The following KCNT1 variants were observed in gnomAD, a reference collection of about 807,000 sequenced individuals.
KCNT1 encodes potassium sodium-activated channel subfamily T member 1.
Under a neutral mutation model 147.8 loss-of-function variants are expected in KCNT1, and 78 were observed. That is an observed-to-expected ratio of 0.53 (90% CI 0.44 to 0.64). KCNT1 has a LOEUF of 0.64. Ranked by LOEUF, KCNT1 falls within the 30% of genes least tolerant of loss-of-function variation. The probability of loss-of-function intolerance (pLI) is 0.00; values close to 1 mark genes in which losing one functional copy is unlikely to be tolerated. For synonymous variants in KCNT1, 867 were observed against 748.8 expected (o/e 1.16, Z -2.58); for missense variants, 1,419 against 1,750.3 (o/e 0.81, Z 3.38).
rs534757688 is a variant in KCNT1, at chr9:135,781,057, C to T, written c.2841+1587C>T. 1.1e-4 allele frequency among the ~76,000 whole-genome samples: 16 copies of T among 152,358 alleles called. No homozygotes were observed. The East Asian group carries it at 2.3e-3, about 22-fold the overall frequency. ...ATCGCCAATCACCCACGCTCCGCCC[C>T]GCCGTGGGGCCCATCTCTTTCCCCG... On this transcript the variant is annotated intron_variant, in intron 24 of 30. Transcript: ENST00000371757.
chr9:135,742,363 C>T lies in KCNT1; in HGVS notation c.255-7735C>T, dbSNP rs551474238. Among the ~76,000 whole-genome samples the T allele has an allele frequency of 7.2e-5, 11 of 152,328 alleles. No individual in the cohort carries two copies. The South Asian group carries it at 1.4e-3, about 20-fold the overall frequency. On this transcript the variant is annotated intron_variant, in intron 2 of 30. Transcript: ENST00000371757. ...GGCTTCGTGCTGAGCAGGGCCAGGG[C>T]GAGTGCCCAAAGCATCGTCACCTGC... is the stretch of plus-strand genomic sequence containing the variant.
intron 1 of KCNT1, chr9:135,703,205 G>A (rs910055993): frequency 2.0e-5 from 3 of 152,366 alleles, no homozygotes; most frequent in Non-Finnish European, 4.4e-5. Context: ...CCTGGGCAGA[G>A]CCGGTCACTG....
intron 24 of KCNT1, among the ~76,000 whole-genome samples, chr9:135,780,037 G>A (rs545806087): frequency 6.6e-6 from 1 of 152,368 alleles, no homozygotes; most frequent in Admixed American, 6.5e-5. Context: ...GCTGGAATTG[G>A]CTTTCTGCCC....
chr9:135,708,941 C>T (rs1835363570), intron 1 of KCNT1, among the ~76,000 whole-genome samples: 1 of 152,232 alleles, frequency 6.6e-6, no homozygotes, highest in Non-Finnish European at 1.5e-5. Context: ...TCTTTCTGAG[C>T]CCCACCCGGG....
chr9:135,772,779 G>C lies in KCNT1; in HGVS notation c.2073G>C (p.Gly691=). 2.0e-6 allele frequency: 3 copies of C among 1,489,788 alleles called. No individual in the cohort carries two copies. The highest frequency in any genetic ancestry group is 1.8e-6 in the Non-Finnish European group (2 of 1,117,612). The allele number at this position is 1,489,788 out of a possible 1,614,324, so 92.3% of individuals were successfully genotyped here. ...CTACGCAGAGCGGCGGTGGGGGCGGGGGCAGCAAGCTGGCACTGCCCACGG... is the reference window on the plus strand; with the variant it reads ...CTACGCAGAGCGGCGGTGGGGGCGGCGGCAGCAAGCTGGCACTGCCCACGG... ...HRPTQSGGGG[G]GSKLALPTEN... The change falls in exon 19 of 31, where the codon GGG becomes GGC. Residue 691 remains glycine, a synonymous_variant. Transcript: ENST00000371757.
intron 12 of KCNT1, among the ~76,000 whole-genome samples, 175 bp downstream of exon 12, chr9:135,765,370 G>T (rs547334501): frequency 1.8e-5 from 1 of 57,126 alleles, no homozygotes; most frequent in Non-Finnish European, 3.8e-5. Flanking sequence ...CCCCAGGACT[G>T]CCATCCTCTC....
chr9:135,702,458 A>ACCCGCCATTCCCAGGG, intron 1 of KCNT1, 90 bp downstream of exon 1: 1 of 1,024,554 alleles, frequency 9.8e-7, no homozygotes, highest in Non-Finnish European at 1.4e-6. Context: ...ACCCTCCAGG[A>ACCCGCCATTCCCAGGG]CCCGCCATTC....
Position 135,765,161 on chromosome 9 carries a change from T to C in KCNT1, c.1166T>C (p.Phe389Ser). The change falls in exon 12 of 31, where the codon TTC becomes TCC. Residue 389 changes from phenylalanine to serine, a missense_variant. Around this residue, in one of 5 missense-constraint regions of KCNT1, gnomAD observed 401 missense variants for 610.6 expected, o/e 0.66. Transcript: ENST00000371757. ...CTCAAGATCGACCTTCTCATGGACT[T>C]CCTGAACGAGTTCTACGCCCACCCC... ...SSLKIDLLMD[F>S]LNEFYAHPRL... 1 of 1,613,058 alleles carries C rather than the reference T, an allele frequency of 6.2e-7. No homozygotes were observed. Among genetic ancestry groups the C allele is most frequent in the Non-Finnish European group, 8.5e-7 (1 of 1,179,602 alleles).
At chr9:135,727,261 T>C (rs1444043376) in intron 2 of KCNT1, among the ~76,000 whole-genome samples, 137 of 31,990 alleles carry the variant, frequency 4.3e-3, no homozygotes, top group East Asian at 9.1e-3. Context: ...CTCTCCCTCT[T>C]TCTCCCTCTC....
chr9:135,755,761 A>C (rs903808016), intron 6 of KCNT1, among the ~76,000 whole-genome samples: 2 of 151,218 alleles, frequency 1.3e-5, no homozygotes, highest in Non-Finnish European at 2.9e-5. Flanking sequence ...ACTCAGGGTC[A>C]GTGAGCACTT....
intron 29 of KCNT1, among the ~76,000 whole-genome samples, chr9:135,788,662 C>T (rs745903027): frequency 7.2e-5 from 11 of 152,182 alleles, no homozygotes; most frequent in Non-Finnish European, 1.3e-4. Context: ...GTGGGGACTC[C>T]AAGCCACGAG....
intron 2 of KCNT1, among the ~76,000 whole-genome samples, chr9:135,735,387 G>A (rs1418766004): frequency 1.3e-5 from 2 of 152,204 alleles, no homozygotes; most frequent in Non-Finnish European, 2.9e-5. Context: ...CCCTCCCTCA[G>A]CATGGGTGCT....
rs138931064 is a variant in KCNT1, at chr9:135,759,748, C to T, written c.924C>T (p.Cys308=). ...CCCTCCTGACCTCCTTCTACTTCTG[C>T]ATCGTCACCTTCTCCACCGTGGGCT... is the stretch of plus-strand genomic sequence containing the variant. ...NLSLLTSFYF[C]IVTFSTVGYG... The change falls in exon 11 of 31, where the codon TGC becomes TGT. Residue 308 remains cysteine, a synonymous_variant. Coordinates refer to ENST00000371757, the MANE Select transcript of KCNT1 (RefSeq NM_020822.3). 2 of 1,613,496 alleles carry T rather than the reference C, an allele frequency of 1.2e-6. No homozygotes were observed. The highest frequency in any genetic ancestry group is 1.3e-5 in the African/African-American group (1 of 74,938).
intron 1 of KCNT1, among the ~76,000 whole-genome samples, chr9:135,705,101 T>C (rs181436928): frequency 1.0e-3 from 152 of 152,340 alleles, no homozygotes; most frequent in Admixed American, 3.4e-3. Context: ...GGGGAGCTCT[T>C]GATTAACACA....
intron 2 of KCNT1, among the ~76,000 whole-genome samples, chr9:135,744,061 C>G (rs981671416): frequency 6.6e-6 from 1 of 152,142 alleles, no homozygotes; most frequent in African/African-American, 2.4e-5. Context: ...AGCCGGCACC[C>G]AGCCACTGCC....
rs1441913783 is a variant in KCNT1 at position 135,792,035 on chromosome 9, C to T, written c.3588-6C>T. 6.2e-7 allele frequency: 1 copy of T among 1,603,908 alleles called. No individual in the cohort carries two copies. The highest frequency in any genetic ancestry group is 8.5e-7 in the Non-Finnish European group (1 of 1,179,382). On this transcript the variant is annotated splice_polypyrimidine_tract_variant and splice_region_variant and intron_variant, in intron 30 of 30. Coordinates refer to ENST00000371757, the MANE Select transcript of KCNT1 (RefSeq NM_020822.3). ...CCACTCCAGGGTCCTCTGTGCCCTC[C>T]CGCAGCTATCTCATCCGCTCCGACC... is the stretch of plus-strand genomic sequence containing the variant.
At chr9:135,791,656 C>T in intron 29 of KCNT1, 141 bp from the exon 30 acceptor site, 1 of 728,458 alleles carries the variant, frequency 1.4e-6, no homozygotes, top group Non-Finnish European at 2.4e-6. Flanking sequence ...CTGGGCTCAC[C>T]AGGATGAGGT....
At chr9:135,725,845 T>A (rs563251666) in intron 2 of KCNT1, among the ~76,000 whole-genome samples, 1 of 152,224 alleles carries the variant, frequency 6.6e-6, no homozygotes, top group Non-Finnish European at 1.5e-5. Flanking sequence ...GTTGATTGAA[T>A]ATATGCTGGA....
intron 2 of KCNT1, among the ~76,000 whole-genome samples, chr9:135,740,008 C>G (rs577695429): frequency 1.3e-5 from 2 of 152,120 alleles, no homozygotes; most frequent in Non-Finnish European, 2.9e-5. Context: ...CCTCCTGAGG[C>G]CCCTCCCCTT....
Sources: allele counts gnomAD v4.1 joint callset (sites outside exome capture counted in the v4.1 genomes callset), GRCh38; gene constraint gnomAD v4.1.1; regional missense constraint gnomAD v4.1.1; transcripts MANE v1.5; gene names NCBI Gene and HGNC (gene_info 2026-07-23, HGNC 2026-07-21).